The following FGF7 variants were observed in gnomAD, a reference collection of about 807,000 sequenced individuals.
The protein encoded by FGF7 is fibroblast growth factor 7, also known as FGF-7.
Under a neutral mutation model 20.5 loss-of-function variants are expected in FGF7, and 6 were observed. The ratio of observed to expected loss-of-function variants is 0.29; its 90% CI spans 0.16 to 0.58. The LOEUF (loss-of-function observed/expected upper bound fraction) is 0.58. FGF7 is among the 20% of genes least tolerant of loss of function. The probability of loss-of-function intolerance (pLI) is 0.90; values close to 1 mark genes in which losing one functional copy is unlikely to be tolerated. For synonymous variants in FGF7, 64 were observed against 74.7 expected (o/e 0.86, Z 0.74); for missense variants, 144 against 228.8 (o/e 0.63, Z 2.39).
intron 2 of FGF7, among the ~76,000 whole-genome samples, chr15:49,438,169 T>C (rs1280628819): frequency 6.6e-6 from 1 of 151,660 alleles, no homozygotes; most frequent in Non-Finnish European, 1.5e-5. Flanking sequence ...CTTGGAAAGT[T>C]GTTTTAGGGA....
intron 2 of FGF7, among the ~76,000 whole-genome samples, chr15:49,480,895 A>G (rs2055885736): frequency 6.6e-6 from 1 of 152,222 alleles, no homozygotes; most frequent in Non-Finnish European, 1.5e-5. Context: ...TGGACCAAAA[A>G]GGGAAGATGT....
intron 2 of FGF7, among the ~76,000 whole-genome samples, chr15:49,454,632 C>A (rs190728519): frequency 1.3e-5 from 2 of 152,166 alleles, no homozygotes; most frequent in Admixed American, 1.3e-4. Flanking sequence ...TTTTTTGAGA[C>A]GAAGTCTCGC....
intron 2 of FGF7, among the ~76,000 whole-genome samples, chr15:49,461,521 C>G (rs1256353414): frequency 6.6e-6 from 1 of 152,178 alleles, no homozygotes; most frequent in Non-Finnish European, 1.5e-5. Context: ...TATACTTCTC[C>G]TACTTACTGC....
intron 2 of FGF7, among the ~76,000 whole-genome samples, chr15:49,479,411 A>G (rs1268719903): frequency 1.3e-5 from 2 of 152,126 alleles, no homozygotes; most frequent in Non-Finnish European, 2.9e-5. Flanking sequence ...GAAATCCACA[A>G]AGAAAGACAG....
At chr15:49,425,720 A>C (rs1024479141) in intron 2 of FGF7, among the ~76,000 whole-genome samples, 20 of 151,916 alleles carry the variant, frequency 1.3e-4, no homozygotes, top group African/African-American at 4.8e-4. Flanking sequence ...TATGTTTCCA[A>C]TATGAAAATG....
rs543338092 is a variant in FGF7, at chr15:49,427,558, A to C, written c.286+2975A>C. The stretch of plus-strand genomic sequence containing the variant: ...AGTGTCTTGGAAGATAAAATTTTAC[A>C]TGAAAAGTAATATGCCAGCTATGCA... On this transcript the variant is annotated intron_variant, in intron 2 of 3. Transcript: ENST00000267843. 9.5e-4 allele frequency among the ~76,000 whole-genome samples: 144 copies of C among 152,138 alleles called. 5 individuals carry two copies. In the South Asian group the frequency reaches 0.027, roughly 29 times the overall value.
chr15:49,465,192 C>T (rs1367726169), intron 2 of FGF7, among the ~76,000 whole-genome samples: 1 of 151,988 alleles, frequency 6.6e-6, no homozygotes, highest in African/African-American at 2.4e-5. Context: ...TGCAGTAACA[C>T]GATCTCAACT....
intron 2 of FGF7, among the ~76,000 whole-genome samples, chr15:49,481,391 T>C (rs561782392): frequency 6.6e-6 from 1 of 152,366 alleles, no homozygotes; most frequent in Admixed American, 6.5e-5. Flanking sequence ...CTGCATGTTA[T>C]TTCCCTTTGT....
At chr15:49,426,597 G>A (rs1597113447) in intron 2 of FGF7, among the ~76,000 whole-genome samples, 1 of 151,714 alleles carries the variant, frequency 6.6e-6, no homozygotes, top group Admixed American at 6.6e-5. Flanking sequence ...TGAAACTCAG[G>A]TAGTACACAT....
rs1356980008 is a variant in FGF7 at position 49,451,532 on chromosome 15, C to T, written c.286+26949C>T. Among the ~76,000 whole-genome samples the T allele has an allele frequency of 3.9e-5, 6 of 151,932 alleles. No homozygotes were observed. The East Asian group carries it at 1.2e-3, about 29-fold the overall frequency. On this transcript the variant is annotated intron_variant, in intron 2 of 3. Coordinates refer to ENST00000267843, the MANE Select transcript of FGF7 (RefSeq NM_002009.4). Reference sequence around the variant, plus strand: ...ATTAAATTCTGAAATCTCAACTTTACTAAAATTTTAGTATTTATATTTTTT... The same window carrying T: ...ATTAAATTCTGAAATCTCAACTTTATTAAAATTTTAGTATTTATATTTTTT...
chr15:49,440,083 C>A (rs1853237782), intron 2 of FGF7, among the ~76,000 whole-genome samples: 1 of 151,754 alleles, frequency 6.6e-6, no homozygotes, highest in Non-Finnish European at 1.5e-5. Context: ...GGAACTGAGT[C>A]ACGAAAAGAT....
In FGF7 at chr15:49,441,372, G is replaced by T. The variant is rs369861860; in HGVS notation, c.286+16789G>T. 1.3e-5 allele frequency among the ~76,000 whole-genome samples: 2 copies of T among 151,658 alleles called. 1 individual carries two copies. Among genetic ancestry groups the T allele is most frequent in the Admixed American group, 1.3e-4 (2 of 15,180 alleles). On this transcript the variant is annotated intron_variant, in intron 2 of 3. Coordinates refer to ENST00000267843, the MANE Select transcript of FGF7 (RefSeq NM_002009.4). ...CATATGTCTTGGATTCAGCCCCTAA[G>T]AATCCAATTTTAGAAATAAAACTAA...
intron 2 of FGF7, among the ~76,000 whole-genome samples, chr15:49,436,985 C>T (rs998332567): frequency 4.6e-5 from 7 of 151,426 alleles, no homozygotes; most frequent in African/African-American, 1.7e-4. Flanking sequence ...ATCTGTCTTC[C>T]CCTGAGAAGG....
intron 2 of FGF7, among the ~76,000 whole-genome samples, chr15:49,479,734 C>T (rs2055747440): frequency 6.8e-6 from 1 of 147,778 alleles, no homozygotes; most frequent in Non-Finnish European, 1.5e-5. Flanking sequence ...CTGACTCAGA[C>T]TACCGAGTAA....
At chr15:49,453,172 A>C (rs2052931560) in intron 2 of FGF7, among the ~76,000 whole-genome samples, 1 of 152,128 alleles carries the variant, frequency 6.6e-6, no homozygotes, top group African/African-American at 2.4e-5. Flanking sequence ...TGTAATAACA[A>C]CTGTATTTTT....
intron 2 of FGF7, among the ~76,000 whole-genome samples, chr15:49,475,466 G>A (rs1435252417): frequency 1.3e-5 from 2 of 152,096 alleles, no homozygotes; most frequent in Non-Finnish European, 2.9e-5. Context: ...ACAGAGATGG[G>A]AGCCTGTGAA....
intron 2 of FGF7, among the ~76,000 whole-genome samples, chr15:49,459,222 G>C (rs1341787476): frequency 6.6e-6 from 1 of 152,188 alleles, no homozygotes; most frequent in African/African-American, 2.4e-5. Context: ...GTCCTGGCCA[G>C]AGGAGGAGAG....
chr15:49,439,780 T>C (rs764213671), intron 2 of FGF7, among the ~76,000 whole-genome samples: 2 of 151,650 alleles, frequency 1.3e-5, no homozygotes, highest in African/African-American at 4.8e-5. Flanking sequence ...CTTCGTAGCA[T>C]TGAGAAAGAA....
chr15:49,479,682 C>T (rs573219407), intron 2 of FGF7, among the ~76,000 whole-genome samples: 4 of 128,620 alleles, frequency 3.1e-5, no homozygotes, highest in South Asian at 5.4e-4. Flanking sequence ...GGTGAAATCT[C>T]GGCTCACTGC....
Sources: allele counts gnomAD v4.1 joint callset (sites outside exome capture counted in the v4.1 genomes callset), GRCh38; gene constraint gnomAD v4.1.1; transcripts MANE v1.5; gene names NCBI Gene and HGNC (gene_info 2026-07-23, HGNC 2026-07-21).